The following GDF6 variants were observed in gnomAD, a reference collection of about 807,000 sequenced individuals.
GDF6 encodes growth/differentiation factor 6.
GDF6 carries 3 observed loss-of-function variants against 32.4 expected under a neutral mutation model. The ratio of observed to expected loss-of-function variants is 0.09; its 90% CI spans 0.04 to 0.24. The LOEUF (loss-of-function observed/expected upper bound fraction) is 0.24, where lower values mean the gene tolerates loss of function less well. GDF6 is among the 10% of genes least tolerant of loss of function. The pLI, the probability that GDF6 is intolerant of heterozygous loss-of-function variation, is 1.00. For missense variants in GDF6, 589 were observed against 637.9 expected (o/e 0.92, Z 0.83); for synonymous variants, 296 against 295.3 (o/e 1.00, Z -0.03).
At chr8:96,148,579 A>G (rs1812519872) in intron 1 of GDF6, among the ~76,000 whole-genome samples, 1 of 152,208 alleles carries the variant, frequency 6.6e-6, no homozygotes, top group South Asian at 2.1e-4. Context: ...CTCCCAGATG[A>G]TGCTGATTCT....
intron 1 of GDF6, among the ~76,000 whole-genome samples, chr8:96,150,249 G>A (rs1401872481): frequency 6.6e-6 from 1 of 152,104 alleles, no homozygotes; most frequent in Non-Finnish European, 1.5e-5. Context: ...AGTACGCAGT[G>A]ACCCTGGATA....
At chr8:96,154,942 C>T (rs944817862) in intron 1 of GDF6, among the ~76,000 whole-genome samples, 2 of 152,170 alleles carry the variant, frequency 1.3e-5, no homozygotes, top group Non-Finnish European at 2.9e-5. Flanking sequence ...CAGTGCCCTG[C>T]GTTCCCCGCG....
intron 1 of GDF6, among the ~76,000 whole-genome samples, chr8:96,157,779 T>G (rs901473706): frequency 2.6e-5 from 4 of 152,150 alleles, no homozygotes; most frequent in Non-Finnish European, 5.9e-5. Context: ...TGTTATGACA[T>G]GAACCCTCAA....
chr8:96,144,275 A>T lies in GDF6; in HGVS notation c.*288T>A, dbSNP rs886063201. 64 of 468,420 alleles carry T rather than the reference A, an allele frequency of 1.4e-4. No homozygotes were observed. The highest frequency in any genetic ancestry group is 2.4e-4 in the Non-Finnish European group (61 of 257,332). 29.0% of individuals were successfully genotyped at this position (468,420 alleles called of 1,614,324 possible). ...GAGAGAGAGAGAGAGAGAGAGAGAG[A>T]GAGAGAGAGAGAGAGAAAACAGAAC... On this transcript the variant is annotated 3_prime_UTR_variant, in exon 2 of 2. Coordinates refer to ENST00000287020, the MANE Select transcript of GDF6 (RefSeq NM_001001557.4). The surrounding 1 kb of genome is among the most constrained non-coding windows in gnomAD (Gnocchi z 5.1).
chr8:96,148,222 C>G (rs1436961926), intron 1 of GDF6, among the ~76,000 whole-genome samples: 2 of 152,220 alleles, frequency 1.3e-5, no homozygotes, highest in African/African-American at 4.8e-5. Context: ...AGCTCCATCA[C>G]CTACTTCAAG....
chr8:96,144,432 C>G lies in GDF6; in HGVS notation c.*131G>C. On this transcript the variant is annotated 3_prime_UTR_variant, in exon 2 of 2. Transcript: ENST00000287020. This position sits in a 1 kb window ranked among gnomAD's most constrained non-coding sequence, Gnocchi z 5.1. ...CCTTCTCTCCCACCGGCTCTCACAT[C>G]CAGGCTGTTCCCTCACCCTCAGCCT... 1 of 1,104,422 alleles carries G rather than the reference C, an allele frequency of 9.1e-7. No homozygotes were observed. The highest frequency in any genetic ancestry group is 2.2e-5 in the Admixed American group (1 of 45,254). The allele number at this position is 1,104,422 out of a possible 1,614,324, so 68.4% of individuals were successfully genotyped here.
intron 1 of GDF6, among the ~76,000 whole-genome samples, chr8:96,155,293 G>GTCTT (rs1004770819): frequency 4.6e-5 from 7 of 152,244 alleles, no homozygotes; most frequent in African/African-American, 9.6e-5. Context: ...ATACTAGGTG[G>GTCTT]TCTTTCTTTC....
chr8:96,148,334 C>T (rs999501797), intron 1 of GDF6, among the ~76,000 whole-genome samples: 1 of 152,210 alleles, frequency 6.6e-6, no homozygotes, highest in African/African-American at 2.4e-5. Flanking sequence ...TTTGGGGGAA[C>T]TGAATGGATG....
At chr8:96,159,642 T>C (rs1812725673) in intron 1 of GDF6, among the ~76,000 whole-genome samples, 1 of 152,180 alleles carries the variant, frequency 6.6e-6, no homozygotes, top group African/African-American at 2.4e-5. Flanking sequence ...AAACCACTCG[T>C]GTTGAGGCCT....
rs1812462922 is a variant in GDF6 at position 96,145,497 on chromosome 8, C to T, written c.434G>A (p.Arg145Lys). 3 of 1,597,964 alleles carry T rather than the reference C, an allele frequency of 1.9e-6. No individual in the cohort carries two copies. Among genetic ancestry groups the T allele is most frequent in the South Asian group, 2.2e-5 (2 of 91,048 alleles). The change falls in exon 2 of 2, where the codon AGA becomes AAA. Residue 145 changes from arginine to lysine, a missense_variant. Around this residue, in one of 2 missense-constraint regions of GDF6, gnomAD observed 436 missense variants for 411.2 expected, o/e 1.06. Transcript: ENST00000287020. The surrounding 1 kb of genome is among the most constrained non-coding windows in gnomAD (Gnocchi z 5.6). ...GGACACATCAAACAAATACTTCTGTCTCCGGAGAGGAGTGTGCGAGAGATC... is the reference window on the plus strand; with the variant it reads ...GGACACATCAAACAAATACTTCTGTTTCCGGAGAGGAGTGTGCGAGAGATC... ...LDDLSHTPLRRQKYLFDVSML... is the reference protein window; with the variant it reads ...LDDLSHTPLRKQKYLFDVSML...
At chr8:96,151,353 C>T (rs1327190397) in intron 1 of GDF6, among the ~76,000 whole-genome samples, 1 of 152,218 alleles carries the variant, frequency 6.6e-6, no homozygotes, top group Non-Finnish European at 1.5e-5. Context: ...CTTGTAGTAA[C>T]TCATTTAATT....
In GDF6 at chr8:96,143,656, T is replaced by C. The variant is rs1403947633; in HGVS notation, c.*907A>G. On this transcript the variant is annotated 3_prime_UTR_variant, in exon 2 of 2. Coordinates refer to ENST00000287020, the MANE Select transcript of GDF6 (RefSeq NM_001001557.4). ...GCATTTGGGTGGGCTACCTCCAGCC[T>C]GGGCTAATGCACCTCCGTGTCAGCC... is the stretch of plus-strand genomic sequence containing the variant. 2.0e-5 allele frequency: 3 copies of C among 152,736 alleles called. No individual in the cohort carries two copies. The highest frequency in any genetic ancestry group is 2.9e-5 in the Non-Finnish European group (2 of 68,080). 9.5% of individuals were successfully genotyped at this position (152,736 alleles called of 1,614,324 possible).
At chr8:96,157,586 C>T (rs917054723) in intron 1 of GDF6, among the ~76,000 whole-genome samples, 5 of 152,296 alleles carry the variant, frequency 3.3e-5, no homozygotes, top group Admixed American at 1.3e-4. Flanking sequence ...GCTGCTGGCC[C>T]AGCTCTAGGC....
intron 1 of GDF6, among the ~76,000 whole-genome samples, chr8:96,149,031 A>G (rs1421116234): frequency 6.6e-6 from 1 of 152,242 alleles, no homozygotes; most frequent in Non-Finnish European, 1.5e-5. Flanking sequence ...CTGACCTGGC[A>G]TCACAGAGCC....
chr8:96,155,272 C>G (rs1012325633), intron 1 of GDF6, among the ~76,000 whole-genome samples: 3 of 152,256 alleles, frequency 2.0e-5, no homozygotes, highest in African/African-American at 7.2e-5. Context: ...CCTGCGCTCT[C>G]GCTGTAGAGC....
chr8:96,157,973 C>T (rs1035735262), intron 1 of GDF6, among the ~76,000 whole-genome samples: 1 of 152,216 alleles, frequency 6.6e-6, no homozygotes, highest in African/African-American at 2.4e-5. Flanking sequence ...GCACCCCTCC[C>T]GCCCGTGGCT....
intron 1 of GDF6, among the ~76,000 whole-genome samples, chr8:96,155,186 C>A (rs759503639): frequency 6.6e-6 from 1 of 152,258 alleles, no homozygotes; most frequent in Non-Finnish European, 1.5e-5. Context: ...GAGAGCCTCC[C>A]GCGTTGAGGA....
chr8:96,151,924 A>T (rs1366657207), intron 1 of GDF6, among the ~76,000 whole-genome samples: 1 of 152,190 alleles, frequency 6.6e-6, no homozygotes, highest in Non-Finnish European at 1.5e-5. Flanking sequence ...ATCATTGTAA[A>T]GGTCAGAGTC....
intron 1 of GDF6, among the ~76,000 whole-genome samples, chr8:96,148,206 C>T (rs761276528): frequency 6.6e-6 from 1 of 152,194 alleles, no homozygotes; most frequent in African/African-American, 2.4e-5. Context: ...CTTCTCTTTC[C>T]ACACTAGCTC....
Sources: allele counts gnomAD v4.1 joint callset (sites outside exome capture counted in the v4.1 genomes callset), GRCh38; gene constraint gnomAD v4.1.1; regional missense constraint gnomAD v4.1.1; non-coding constraint Gnocchi (gnomAD v3.1); transcripts MANE v1.5; gene names NCBI Gene and HGNC (gene_info 2026-07-23, HGNC 2026-07-21).